Variants in SORCS2 observed in about 807,000 individuals in gnomAD.
The protein encoded by SORCS2 is VPS10 domain-containing receptor SorCS2.
A neutral mutation model predicts 141.6 loss-of-function variants in SORCS2; 100 were observed. That is an observed-to-expected ratio of 0.71 (90% CI 0.60 to 0.83). The LOEUF (loss-of-function observed/expected upper bound fraction) is 0.83, where lower values mean the gene tolerates loss of function less well. Ranked by LOEUF, SORCS2 falls within the 40% of genes least tolerant of loss-of-function variation. The probability of loss-of-function intolerance (pLI) is 0.00; values close to 1 mark genes in which losing one functional copy is unlikely to be tolerated. For missense variants in SORCS2, 1,646 were observed against 1,560.2 expected, an observed-to-expected ratio of 1.05 and a Z score of -0.93; for synonymous variants, 789 against 676.9, an observed-to-expected ratio of 1.17 and a Z score of -2.57.
intron 3 of SORCS2, among the ~76,000 whole-genome samples, chr4:7,551,626 T>C (rs28651679): frequency 0.079 from 12,037 of 152,222 alleles, 531 homozygotes; most frequent in African/African-American, 0.087. Context: ...TGATGGTTTC[T>C]TACTCTACCC....
intron 3 of SORCS2, among the ~76,000 whole-genome samples, chr4:7,545,976 G>A (rs996879935): frequency 5.3e-5 from 8 of 152,264 alleles, no homozygotes; most frequent in South Asian, 4.2e-4. Flanking sequence ...CTGCCTTCTC[G>A]TTATCTTCAC....
chr4:7,334,836 G>A (rs1719887292), intron 1 of SORCS2, among the ~76,000 whole-genome samples: 1 of 152,172 alleles, frequency 6.6e-6, no homozygotes, highest in African/African-American at 2.4e-5. Context: ...CCTGTAGGAT[G>A]ATAGGAGTTG....
chr4:7,371,041 C>G (rs557844954), intron 1 of SORCS2, among the ~76,000 whole-genome samples: 1 of 152,314 alleles, frequency 6.6e-6, no homozygotes, highest in East Asian at 1.9e-4. Flanking sequence ...CTCTCAGGGC[C>G]CCTGGATGGC....
chr4:7,679,895 T>G (rs1723408078), intron 9 of SORCS2, among the ~76,000 whole-genome samples: 1 of 152,150 alleles, frequency 6.6e-6, no homozygotes, highest in Non-Finnish European at 1.5e-5. Flanking sequence ...TGGATCCGTG[T>G]TATTTATTGC....
rs536783534 is a variant in SORCS2, at chr4:7,326,638, C to T, written c.481-69650C>T. 6.6e-4 allele frequency among the ~76,000 whole-genome samples: 101 copies of T among 152,354 alleles called. 1 individual carries two copies. The Middle Eastern group carries it at 0.01, about 15-fold the overall frequency. ...GGGTGTGGAGGCTCAGCAGGGACCC[C>T]GGCCTGGTGCTGGGTACACACCACA... On this transcript the variant is annotated intron_variant, in intron 1 of 26. Coordinates refer to ENST00000507866, the MANE Select transcript of SORCS2 (RefSeq NM_020777.3).
chr4:7,478,191 T>C (rs1312546128), intron 2 of SORCS2, among the ~76,000 whole-genome samples: 2 of 152,072 alleles, frequency 1.3e-5, no homozygotes, highest in Non-Finnish European at 2.9e-5. Flanking sequence ...AGGCCGGGCG[T>C]GTAGGGTGCA....
At chr4:7,336,317 G>A (rs1311653137) in intron 1 of SORCS2, among the ~76,000 whole-genome samples, 1 of 152,234 alleles carries the variant, frequency 6.6e-6, no homozygotes, top group Admixed American at 6.5e-5. Flanking sequence ...GCTTCTGGGT[G>A]GCGGTGTCTC....
At chr4:7,401,052 T>C (rs62644742) in intron 2 of SORCS2, among the ~76,000 whole-genome samples, 22,337 of 151,862 alleles carry the variant, frequency 0.15, 1,775 homozygotes, top group Non-Finnish European at 0.18. Flanking sequence ...GACAGATGGA[T>C]GAATGGATTG....
At chr4:7,693,676 G>C (rs916915) in intron 11 of SORCS2, among the ~76,000 whole-genome samples, 48,243 of 152,144 alleles carry the variant, frequency 0.32, 7,726 homozygotes, top group South Asian at 0.49. Context: ...GCCAAGAAAA[G>C]CTTGAGGGGG....
intron 1 of SORCS2, among the ~76,000 whole-genome samples, chr4:7,393,968 C>T (rs66752514): frequency 0.28 from 42,696 of 151,922 alleles, 6,366 homozygotes; most frequent in East Asian, 0.5. Context: ...TGATGACTGC[C>T]GAGTCAGGGC....
intron 26 of SORCS2, among the ~76,000 whole-genome samples, chr4:7,739,517 G>A (rs1342938061): frequency 3.9e-5 from 6 of 152,194 alleles, no homozygotes; most frequent in Middle Eastern, 3.2e-3. Flanking sequence ...TGCAGCAGCC[G>A]CACTTCCCCG....
chr4:7,529,276 C>A (rs1279835361), intron 2 of SORCS2, among the ~76,000 whole-genome samples: 1 of 152,178 alleles, frequency 6.6e-6, no homozygotes, highest in Non-Finnish European at 1.5e-5. Flanking sequence ...CCCCACCACC[C>A]CTCCCTCACC....
At chr4:7,213,675 G>A (rs1010313726) in intron 1 of SORCS2, among the ~76,000 whole-genome samples, 4 of 152,218 alleles carry the variant, frequency 2.6e-5, no homozygotes, top group Admixed American at 1.3e-4. Context: ...TGAGAAAGCC[G>A]AGGCCCAGGA....
Position 7,367,697 on chromosome 4 carries a change from T to C in SORCS2, c.481-28591T>C, listed in dbSNP as rs181523531. 2.0e-5 allele frequency among the ~76,000 whole-genome samples: 3 copies of C among 152,320 alleles called. No individual in the cohort carries two copies. In the East Asian group the frequency reaches 5.8e-4, roughly 29 times the overall value. On this transcript the variant is annotated intron_variant, in intron 1 of 26. Transcript: ENST00000507866. ...CTCAGGAGCCCGTGTTGGCTCCGACTCTCCCTAGGAAATTGCTTATTATGG... is the reference window on the plus strand; with the variant it reads ...CTCAGGAGCCCGTGTTGGCTCCGACCCTCCCTAGGAAATTGCTTATTATGG...
chr4:7,590,976 C>T (rs1021786775), intron 3 of SORCS2, among the ~76,000 whole-genome samples: 3 of 152,164 alleles, frequency 2.0e-5, no homozygotes, highest in African/African-American at 4.8e-5. Context: ...TTGCTGGCAG[C>T]TTCCAGTCAG....
chr4:7,550,658 C>T (rs1281595380), intron 3 of SORCS2, among the ~76,000 whole-genome samples: 1 of 152,206 alleles, frequency 6.6e-6, no homozygotes, highest in Non-Finnish European at 1.5e-5. Flanking sequence ...CACCCTGTGT[C>T]TCTAGTAGAT....
intron 3 of SORCS2, among the ~76,000 whole-genome samples, chr4:7,630,509 G>A (rs773540693): frequency 1.3e-5 from 2 of 152,212 alleles, no homozygotes; most frequent in Non-Finnish European, 2.9e-5. Context: ...ACATCTCAGT[G>A]GGACTCTGTA....
chr4:7,217,647 C>T (rs1477726600), intron 1 of SORCS2, among the ~76,000 whole-genome samples: 1 of 152,154 alleles, frequency 6.6e-6, no homozygotes, highest in Non-Finnish European at 1.5e-5. Context: ...GCCACACCCT[C>T]CACAAAAATG....
rs373332665 is a variant in SORCS2, at chr4:7,602,836, G to A, written c.649-35492G>A. Reference sequence around the variant, plus strand: ...TGGGAGGTGGAGGTTGTAGCCAACCGAGATCACGCCACTGCACTCCAGCCT... The same window carrying A: ...TGGGAGGTGGAGGTTGTAGCCAACCAAGATCACGCCACTGCACTCCAGCCT... On this transcript the variant is annotated intron_variant, in intron 3 of 26. Coordinates refer to ENST00000507866, the MANE Select transcript of SORCS2 (RefSeq NM_020777.3). Among the ~76,000 whole-genome samples the A allele has an allele frequency of 3.5e-4, 54 of 152,328 alleles. No individual in the cohort carries two copies. In the South Asian group the frequency reaches 0.011, roughly 31 times the overall value.
Sources: allele counts gnomAD v4.1 joint callset (sites outside exome capture counted in the v4.1 genomes callset), GRCh38; gene constraint gnomAD v4.1.1; transcripts MANE v1.5; gene names NCBI Gene and HGNC (gene_info 2026-07-23, HGNC 2026-07-21).